SLC30A8: variants seen among roughly 807,000 people sequenced by gnomAD.
The protein encoded by SLC30A8 is proton-coupled zinc antiporter SLC30A8.
A neutral mutation model predicts 36.9 loss-of-function variants in SLC30A8; 27 were observed. The observed-to-expected ratio is 0.73, with a 90% CI of 0.54 to 1.01. The LOEUF is 1.01. SLC30A8 is among the 50% of genes least tolerant of loss of function. The pLI is 0.00. For synonymous variants in SLC30A8, 164 were observed against 172.4 expected, an observed-to-expected ratio of 0.95 and a Z score of 0.38; for missense variants, 439 against 452.0, an observed-to-expected ratio of 0.97 and a Z score of 0.26.
At chr8:117,170,970 T>C (rs1019870953) in intron 6 of SLC30A8, 64 bp from the exon 7 acceptor site, 4 of 1,424,214 alleles carry the variant, frequency 2.8e-6, no homozygotes, top group African/African-American at 2.9e-5. Context: ...GCAGCTTGTT[T>C]AGGTAATTCA....
chr8:117,076,556 T>G (rs1818493937), intron 2 of SLC30A8, among the ~76,000 whole-genome samples: 2 of 152,120 alleles, frequency 1.3e-5, no homozygotes, highest in Non-Finnish European at 2.9e-5. Flanking sequence ...AAAAAAAAAG[T>G]GGAGTGGGAA....
rs1823460193 is a variant in SLC30A8 at position 117,172,848 on chromosome 8, CT to C, written c.*168del. ...TCCATTCACCATGAAGGAAGAGGCA[CT>C]GAGATCCATCAATCAATTGGATTAT... is the stretch of plus-strand genomic sequence containing the variant. On this transcript the variant is annotated 3_prime_UTR_variant, in exon 8 of 8. Transcript: ENST00000456015. 2.7e-6 allele frequency: 2 copies of C among 738,496 alleles called. No individual in the cohort carries two copies. Among genetic ancestry groups the C allele is most frequent in the South Asian group, 3.7e-5 (2 of 54,732 alleles). The allele number at this position is 738,496 out of a possible 1,614,324, so 45.7% of individuals were successfully genotyped here. A position where few individuals can be genotyped will look rare whatever the true frequency, so the allele number is the denominator to read the frequency against.
At chr8:116,973,493 ACCT>A (rs1359759551) in intron 1 of SLC30A8, among the ~76,000 whole-genome samples, 2 of 152,198 alleles carry the variant, frequency 1.3e-5, no homozygotes, top group African/African-American at 4.8e-5. Flanking sequence ...GATGTGAAGG[ACCT>A]CTTCAGGGAG....
intron 1 of SLC30A8, among the ~76,000 whole-genome samples, chr8:116,951,635 T>C (rs1813995418): frequency 6.6e-6 from 1 of 151,066 alleles, no homozygotes; most frequent in Admixed American, 6.6e-5. Context: ...AGAGCCCAAA[T>C]CCCATCTTCC....
intron 1 of SLC30A8, among the ~76,000 whole-genome samples, chr8:116,985,945 A>G (rs1488103197): frequency 6.6e-6 from 1 of 152,198 alleles, no homozygotes; most frequent in Non-Finnish European, 1.5e-5. Context: ...AGGTTTTACA[A>G]AATAAAAAAG....
intron 1 of SLC30A8, among the ~76,000 whole-genome samples, chr8:117,004,529 A>G (rs1202549154): frequency 3.9e-5 from 6 of 152,116 alleles, no homozygotes; most frequent in Admixed American, 3.9e-4. Flanking sequence ...GTCCCTGTCT[A>G]TATGGACAGA....
At chr8:117,088,257 T>G (rs1346218772) in intron 2 of SLC30A8, among the ~76,000 whole-genome samples, 1 of 152,150 alleles carries the variant, frequency 6.6e-6, no homozygotes, top group Non-Finnish European at 1.5e-5. Context: ...AACATTCCCC[T>G]CTACTATACA....
chr8:117,172,388 G>T (rs931014574), intron 7 of SLC30A8, 148 bp from the exon 8 acceptor site: 1 of 951,502 alleles, frequency 1.1e-6, no homozygotes, highest in African/African-American at 1.6e-5. Context: ...GAATGTAGCT[G>T]ATTATCAGAG....
At chr8:116,963,235 T>C (rs1424282365) in intron 1 of SLC30A8, among the ~76,000 whole-genome samples, 4 of 152,318 alleles carry the variant, frequency 2.6e-5, no homozygotes, top group African/African-American at 9.6e-5. Context: ...TGAGCAGGAC[T>C]ATGGTTAAGC....
chr8:116,958,841 ATTTTTTTTTT>A (rs758505118), intron 1 of SLC30A8, among the ~76,000 whole-genome samples: 19 of 60,030 alleles, frequency 3.2e-4, no homozygotes, highest in South Asian at 7.1e-4. Flanking sequence ...TGCTCTTTTC[ATTTTTTTTTT>A]TTTTTTTTTT....
At chr8:117,144,117 G>A (rs1563624184) in intron 1 of SLC30A8, among the ~76,000 whole-genome samples, 1 of 152,140 alleles carries the variant, frequency 6.6e-6, no homozygotes, top group Non-Finnish European at 1.5e-5. Context: ...CAAGGAAACA[G>A]TAAATCTCAA....
chr8:116,995,119 A>C (rs1724828157), intron 1 of SLC30A8, among the ~76,000 whole-genome samples: 1 of 152,064 alleles, frequency 6.6e-6, no homozygotes, highest in Admixed American at 6.6e-5. Flanking sequence ...CCTAGAAGAG[A>C]TCTCGGCTCT....
rs138863097 is a variant in SLC30A8, at chr8:116,985,649, ATTC to A, written c.-266+34536_-266+34538del. Among the ~76,000 whole-genome samples, 1,068 of 152,278 alleles carry A rather than the reference ATTC, an allele frequency of 7.0e-3. 18 individuals carry two copies. The highest frequency in any genetic ancestry group is 0.025 in the African/African-American group (1,025 of 41,564). ...TTTACAATTTTGATAATATCAACAA[ATTC>A]TTCTTTAAAAATGGAGCATCATAAT... On this transcript the variant is annotated intron_variant, in intron 1 of 10. Transcript: ENST00000427715.
chr8:117,109,970 G>A (rs1162839276), intron 2 of SLC30A8, among the ~76,000 whole-genome samples: 1 of 152,106 alleles, frequency 6.6e-6, no homozygotes, highest in Non-Finnish European at 1.5e-5. Flanking sequence ...TTTCTTTATT[G>A]ACTTTTCCAA....
chr8:117,146,568 C>A (rs150747573), intron 1 of SLC30A8, among the ~76,000 whole-genome samples: 1 of 152,134 alleles, frequency 6.6e-6, no homozygotes, highest in East Asian at 1.9e-4. Flanking sequence ...ATACACATAT[C>A]GTAATGTACC....
intron 1 of SLC30A8, among the ~76,000 whole-genome samples, chr8:117,140,168 A>G (rs533011462): frequency 1.0e-3 from 156 of 152,216 alleles, no homozygotes; most frequent in Non-Finnish European, 1.9e-3. Context: ...GAATCACTGA[A>G]CTTGAAGATA....
chr8:116,995,124 G>A (rs994499496), intron 1 of SLC30A8, among the ~76,000 whole-genome samples: 5 of 152,134 alleles, frequency 3.3e-5, no homozygotes, highest in African/African-American at 1.2e-4. Flanking sequence ...AAGAGATCTC[G>A]GCTCTAAACT....
At chr8:117,114,494 T>G (rs1247244885) in intron 2 of SLC30A8, among the ~76,000 whole-genome samples, 4 of 152,058 alleles carry the variant, frequency 2.6e-5, no homozygotes, top group Non-Finnish European at 5.9e-5. Flanking sequence ...CCTGGGGTAA[T>G]CACCAGAGTG....
At chr8:117,111,597 C>A (rs768812401) in intron 2 of SLC30A8, among the ~76,000 whole-genome samples, 1 of 152,108 alleles carries the variant, frequency 6.6e-6, no homozygotes, top group Non-Finnish European at 1.5e-5. Flanking sequence ...GTGGACTAAA[C>A]TAATTAGAGT....
Sources: gnomAD v4.1 joint callset for allele counts (sites outside exome capture counted in the v4.1 genomes callset) on GRCh38, gnomAD v4.1.1 for gene constraint, MANE v1.5 for transcripts, NCBI Gene and HGNC (gene_info 2026-07-23, HGNC 2026-07-21) for gene names.